The following SHISA9 variants were observed in gnomAD, a reference collection of about 807,000 sequenced individuals.
SHISA9 encodes the protein protein shisa-9.
Under a neutral mutation model 38.0 loss-of-function variants are expected in SHISA9, and 13 were observed. The observed-to-expected ratio is 0.34, with a 90% CI of 0.22 to 0.54. SHISA9 has a LOEUF of 0.54. Among genes scored for constraint, SHISA9 ranks in the 20% least tolerant of loss-of-function variants. SHISA9 has a pLI of 0.91. For missense variants in SHISA9, 538 were observed against 575.8 expected (o/e 0.93, Z 0.67); for synonymous variants, 275 against 242.0 (o/e 1.14, Z -1.27).
chr16:12,987,249 G>T (rs2072323315), intron 2 of SHISA9, among the ~76,000 whole-genome samples: 1 of 152,124 alleles, frequency 6.6e-6, no homozygotes, highest in Admixed American at 6.5e-5. Context: ...TCTGAGAAAG[G>T]TTCAAATTGT....
At chr16:13,543,407 T>C in the SHISA9 span, among the ~76,000 whole-genome samples, 1 of 152,198 alleles carries the variant, frequency 6.6e-6, no homozygotes, top group African/African-American at 2.4e-5. Flanking sequence ...TTTAATTCAA[T>C]TCTCTGCACA....
intron 2 of SHISA9, among the ~76,000 whole-genome samples, chr16:12,940,460 A>G (rs918068836): frequency 7.1e-6 from 1 of 140,792 alleles, no homozygotes; most frequent in Admixed American, 7.2e-5. Flanking sequence ...TCACCTCACT[A>G]TGTGCCTGCC....
chr16:13,038,410 T>C (rs574854177), intron 2 of SHISA9, among the ~76,000 whole-genome samples: 2 of 152,328 alleles, frequency 1.3e-5, no homozygotes, highest in East Asian at 3.9e-4. Context: ...ATCTAGCCTC[T>C]TCTCTGGCTC....
the SHISA9 span, among the ~76,000 whole-genome samples, chr16:13,378,529 C>G: frequency 6.6e-6 from 1 of 152,178 alleles, no homozygotes; most frequent in East Asian, 1.9e-4. Flanking sequence ...TTGACCAGCC[C>G]TTGTTCATGT....
the SHISA9 span, among the ~76,000 whole-genome samples, chr16:13,335,438 A>C: frequency 1.3e-5 from 2 of 152,112 alleles, no homozygotes. Flanking sequence ...ACCCCCCTTT[A>C]AAGGTGACTA....
chr16:13,398,439 C>G, the SHISA9 span, among the ~76,000 whole-genome samples: 1 of 151,776 alleles, frequency 6.6e-6, no homozygotes, highest in Admixed American at 6.6e-5. Context: ...TGTTTATTTA[C>G]TTATTCGTCT....
At chr16:13,220,485 G>C (rs1291200080) in intron 4 of SHISA9, among the ~76,000 whole-genome samples, 1 of 152,138 alleles carries the variant, frequency 6.6e-6, no homozygotes, top group East Asian at 1.9e-4. Context: ...TCTAACATAG[G>C]ATCCCAAATC....
chr16:13,355,136 A>C, the SHISA9 span, among the ~76,000 whole-genome samples: 1 of 150,520 alleles, frequency 6.6e-6, no homozygotes, highest in South Asian at 2.2e-4. Context: ...TGGATAGGCA[A>C]AACAATTTGG....
At chr16:12,921,298 G>T (rs2071324731) in intron 2 of SHISA9, among the ~76,000 whole-genome samples, 2 of 152,162 alleles carry the variant, frequency 1.3e-5, no homozygotes, top group East Asian at 1.9e-4. Context: ...GTCACACCCT[G>T]ACTCTCCTAG....
At chr16:13,301,921 G>C in the SHISA9 span, among the ~76,000 whole-genome samples, 2 of 152,216 alleles carry the variant, frequency 1.3e-5, no homozygotes, top group African/African-American at 2.4e-5. Context: ...GAGAAAGATA[G>C]TTTGTGGTAC....
chr16:13,416,681 C>G, the SHISA9 span, among the ~76,000 whole-genome samples: 66 of 151,290 alleles, frequency 4.4e-4, no homozygotes, highest in Non-Finnish European at 8.2e-4. Context: ...CACTGCACTC[C>G]AGCCTGGGTG....
the SHISA9 span, among the ~76,000 whole-genome samples, chr16:13,400,350 T>C: frequency 3.1e-5 from 4 of 128,862 alleles, no homozygotes; most frequent in Middle Eastern, 3.6e-3. Flanking sequence ...CCTGTCTCTC[T>C]TCCCTCTGTT....
the SHISA9 span, among the ~76,000 whole-genome samples, chr16:13,260,985 C>G: frequency 1.3e-5 from 2 of 152,112 alleles, no homozygotes; most frequent in African/African-American, 4.8e-5. Context: ...GAAGCAAAAG[C>G]AGAAGCTCCT....
chr16:13,152,503 G>A (rs892877307), intron 2 of SHISA9, among the ~76,000 whole-genome samples: 2 of 152,212 alleles, frequency 1.3e-5, no homozygotes, highest in African/African-American at 4.8e-5. Flanking sequence ...ACTTTAGGAA[G>A]GAGGGAGATG....
chr16:13,552,042 A>C, the SHISA9 span, among the ~76,000 whole-genome samples: 1 of 152,018 alleles, frequency 6.6e-6, no homozygotes, highest in African/African-American at 2.4e-5. Context: ...AAAAAAAAAT[A>C]CAATTGGTAA....
At chr16:13,152,674 A>G (rs1422597359) in intron 2 of SHISA9, among the ~76,000 whole-genome samples, 1 of 151,204 alleles carries the variant, frequency 6.6e-6, no homozygotes, top group Non-Finnish European at 1.5e-5. Context: ...TGTGCCAGGC[A>G]AGGATGGAAC....
At position 12,970,724 on chromosome 16, in the gene SHISA9, G is replaced by A. The variant is rs372969493; in HGVS notation, c.691+53909G>A. Among the ~76,000 whole-genome samples the A allele has an allele frequency of 5.3e-4, 80 of 150,422 alleles. 1 individual carries two copies. The Middle Eastern group carries it at 0.014, about 26-fold the overall frequency. ...TTTTTAGTACAGACGGGGTTTCACC[G>A]TGTTGGCCAGGCTGGTCTCAAACTC... On this transcript the variant is annotated intron_variant, in intron 2 of 4. Coordinates refer to ENST00000558583, the MANE Select transcript of SHISA9 (RefSeq NM_001145204.3).
intron 4 of SHISA9, among the ~76,000 whole-genome samples, chr16:13,229,636 A>G (rs1341606901): frequency 6.6e-6 from 1 of 152,218 alleles, no homozygotes; most frequent in African/African-American, 2.4e-5. Context: ...AAGCTCCCCC[A>G]TGTGATTTCC....
chr16:12,950,691 C>A (rs1182904177), intron 2 of SHISA9, among the ~76,000 whole-genome samples: 2 of 151,820 alleles, frequency 1.3e-5, no homozygotes, highest in African/African-American at 2.4e-5. Flanking sequence ...TCACTGCAAC[C>A]TCCACCTCCC....
Sources: allele counts gnomAD v4.1 joint callset (sites outside exome capture counted in the v4.1 genomes callset), GRCh38; gene constraint gnomAD v4.1.1; transcripts MANE v1.5; gene names NCBI Gene and HGNC (gene_info 2026-07-23, HGNC 2026-07-21).